The following WASHC2A variants were observed in gnomAD, a reference collection of about 807,000 sequenced individuals.
The protein encoded by WASHC2A is WASH complex subunit 2A, also known as WASH complex subunit FAM21A.
In WASHC2A, 82 loss-of-function variants were observed where a neutral mutation model predicts 140.3. The ratio of observed to expected loss-of-function variants is 0.58; its 90% CI spans 0.49 to 0.70. WASHC2A has a LOEUF of 0.70. WASHC2A is among the 30% of genes least tolerant of loss of function. The pLI is 0.00. For missense variants in WASHC2A, 985 were observed against 1,521.8 expected (o/e 0.65, Z 5.87); for synonymous variants, 340 against 560.8 (o/e 0.61, Z 5.56).
At position 50,125,215 on chromosome 10, in the gene WASHC2A, C is replaced by CT. The variant is rs1408929998; in HGVS notation, c.2586dup (p.Ala863CysfsTer20). ...AAAGGACAATGACCCAGATGTTGAC[C>CT]TTTTTGCTGGCACCAAAAAAACCAA... On this transcript the variant is annotated frameshift_variant, in exon 24 of 31. Transcript: ENST00000282633. LOFTEE classifies it high-confidence loss of function. 20 of 1,609,328 alleles carry CT rather than the reference C, an allele frequency of 1.2e-5. No individual in the cohort carries two copies. Among genetic ancestry groups the CT allele is most frequent in the Non-Finnish European group, 1.7e-5 (20 of 1,179,114 alleles).
chr10:50,127,479 C>G, intron 27 of WASHC2A, 104 bp from the exon 28 acceptor site: 2 of 1,611,352 alleles, frequency 1.2e-6, no homozygotes, highest in South Asian at 1.1e-5. Context: ...CTCTACTCCT[C>G]TCGTATTATA....
At chr10:50,130,393 T>G (rs1230714709) in intron 29 of WASHC2A, among the ~76,000 whole-genome samples, 24 of 148,142 alleles carry the variant, frequency 1.6e-4, no homozygotes, top group African/African-American at 5.9e-4. Context: ...GTTTAACCTC[T>G]GGTTCTGGGG....
In WASHC2A at chr10:50,130,590, G is replaced by A. The variant is rs879895395; in HGVS notation, c.3709-311G>A. On this transcript the variant is annotated intron_variant, in intron 29 of 30. Transcript: ENST00000282633. ...TACAAACAGGGCAATGGATAATTAA[G>A]ATGTTTTCAAATAGTACTAAGTGTC... Among the ~76,000 whole-genome samples the A allele has an allele frequency of 2.1e-3, 318 of 152,300 alleles. 2 individuals carry two copies. The highest frequency in any genetic ancestry group is 4.7e-3 in the Admixed American group (72 of 15,296).
rs755827935 is a variant in WASHC2A at position 50,132,894 on chromosome 10, C to A, written c.3975C>A (p.His1325Gln). 2 of 1,612,028 alleles carry A rather than the reference C, an allele frequency of 1.2e-6. No individual in the cohort carries two copies. Among genetic ancestry groups the A allele is most frequent in the Non-Finnish European group, 1.7e-6 (2 of 1,179,850 alleles). ...AQAAPEPRFE[H>Q]KVSNIFDDPL... Reference sequence around the variant, plus strand: ...CCGCACCTGAACCAAGATTTGAACACAAGGTGTCCAACATCTTTGATGATC... The same window carrying A: ...CCGCACCTGAACCAAGATTTGAACAAAAGGTGTCCAACATCTTTGATGATC... Residue 1325 changes from histidine (H) to glutamine (Q), a missense_variant, in exon 31 of 31, where the codon CAC (histidine) becomes CAA (glutamine). Physicochemically the swap from His to Gln is conservative, Grantham distance 24. Coordinates refer to ENST00000282633, the MANE Select transcript of WASHC2A (RefSeq NM_001005751.3).
At chr10:50,089,783 A>G (rs1326834106) in intron 8 of WASHC2A, among the ~76,000 whole-genome samples, 11 of 152,010 alleles carry the variant, frequency 7.2e-5, no homozygotes, top group Non-Finnish European at 1.3e-4. Flanking sequence ...TATGCTGATG[A>G]TGTTTATATT....
chr10:50,126,803 T>C (rs1843477568), intron 26 of WASHC2A, among the ~76,000 whole-genome samples: 1 of 151,858 alleles, frequency 6.6e-6, no homozygotes, highest in Non-Finnish European at 1.5e-5. Flanking sequence ...TGCATTAGGC[T>C]ATGGTTGAAT....
intron 17 of WASHC2A, among the ~76,000 whole-genome samples, chr10:50,103,696 G>A (rs1423737138): frequency 1.3e-5 from 2 of 152,216 alleles, no homozygotes; most frequent in Admixed American, 1.3e-4. Context: ...TCTTTAGACG[G>A]TAATGGGAAG....
At chr10:50,105,214 A>G (rs1218357517) in intron 18 of WASHC2A, among the ~76,000 whole-genome samples, 1 of 151,818 alleles carries the variant, frequency 6.6e-6, no homozygotes, top group Non-Finnish European at 1.5e-5. Flanking sequence ...TCCTGGCTGG[A>G]GAGAGCACAG....
At chr10:50,117,680 A>T (rs1589265917) in intron 21 of WASHC2A, among the ~76,000 whole-genome samples, 1 of 135,486 alleles carries the variant, frequency 7.4e-6, no homozygotes, top group Non-Finnish European at 1.7e-5. Flanking sequence ...ACACAAGTAG[A>T]CAGATACAGG....
rs879972761 is a variant in WASHC2A at position 50,093,972 on chromosome 10, T to C, written c.1180+55T>C. 8,963 of 1,586,724 alleles carry C rather than the reference T, an allele frequency of 5.6e-3. 73 individuals are homozygous for C. The African/African-American group carries it at 0.11, about 19-fold the overall frequency. ...GTGTGCAGAGTTCCAAAACTGTCTT[T>C]CTCACTAGGAGATGGAACAAGGTTG... On this transcript the variant is annotated intron_variant, in intron 13 of 30. Transcript: ENST00000282633.
Position 50,078,666 on chromosome 10 carries a change from C to T in WASHC2A, c.292-9C>T. On this transcript the variant is annotated splice_polypyrimidine_tract_variant and intron_variant, in intron 3 of 30. Transcript: ENST00000282633. Reference sequence around the variant, plus strand: ...GACCTTTTAACATTGAGTTTGCTTCCATATTTAGCGTGTATATGATGAAGA... The same window carrying T: ...GACCTTTTAACATTGAGTTTGCTTCTATATTTAGCGTGTATATGATGAAGA... 3 of 1,611,706 alleles carry T rather than the reference C, an allele frequency of 1.9e-6. No homozygotes were observed. The highest frequency in any genetic ancestry group is 4.5e-4 in the Middle Eastern group (2 of 4,430).
At chr10:50,087,223 G>C in intron 7 of WASHC2A, 52 bp from the exon 8 acceptor site, 1 of 1,612,974 alleles carries the variant, frequency 6.2e-7, no homozygotes, top group Non-Finnish European at 8.5e-7. Context: ...AATCATTTCT[G>C]TGCTTCTAAG....
rs376743212 is a variant in WASHC2A at position 50,069,708 on chromosome 10, G to C, written c.288G>C (p.Glu96Asp). The change falls in exon 3 of 31, where the codon GAG becomes GAC. Residue 96 changes from glutamate (E) to aspartate (D), a missense_variant. Transcript: ENST00000282633. Reference protein sequence around the residue: ...FLMLSNTQFIENRVYDEEVEE... With the variant: ...FLMLSNTQFIDNRVYDEEVEE... ...TGCTCTCTAATACCCAGTTCATTGA[G>C]AATGTGAGTTATTTAGTTATATTAT... The C allele has an allele frequency of 1.9e-6, 3 of 1,611,456 alleles. No homozygotes were observed. The highest frequency in any genetic ancestry group is 2.5e-6 in the Non-Finnish European group (3 of 1,179,176).
chr10:50,110,571 G>T (rs1158470552), intron 20 of WASHC2A, among the ~76,000 whole-genome samples: 1 of 151,764 alleles, frequency 6.6e-6, no homozygotes, highest in Admixed American at 6.6e-5. Context: ...CTACTCTAAA[G>T]TATGTCAGGT....
intron 20 of WASHC2A, among the ~76,000 whole-genome samples, chr10:50,113,443 A>G (rs1332085253): frequency 1.1e-4 from 17 of 151,986 alleles, no homozygotes; most frequent in Non-Finnish European, 1.5e-5. Flanking sequence ...ACTAAAAAAA[A>G]GAAATAGAAG....
In WASHC2A at chr10:50,091,578, C is replaced by A. The variant is rs1308849389; in HGVS notation, c.931+60C>A. 11 of 1,537,376 alleles carry A rather than the reference C, an allele frequency of 7.2e-6. No homozygotes were observed. The East Asian group carries it at 2.7e-4, about 38-fold the overall frequency. ...GGAGTAGTGCAGGGCCCTCTGCTGGCTTCACCAAAGGCGGATTTCTCTTTT... is the reference window on the plus strand; with the variant it reads ...GGAGTAGTGCAGGGCCCTCTGCTGGATTCACCAAAGGCGGATTTCTCTTTT... On this transcript the variant is annotated intron_variant, in intron 10 of 30. Transcript: ENST00000282633.
At chr10:50,076,715 C>CA (rs2132378426) in intron 3 of WASHC2A, among the ~76,000 whole-genome samples, 1 of 152,146 alleles carries the variant, frequency 6.6e-6, no homozygotes, top group African/African-American at 2.4e-5. Flanking sequence ...CAATGGCTCA[C>CA]ACCTGTAATC....
In WASHC2A at chr10:50,095,716, A is replaced by G. The variant is rs1840437266; in HGVS notation, c.1358A>G (p.Asp453Gly). ...YGPPPTGLFD[D>G]DDGDDDDDFF... ...CCCCCTCCCACTGGCCTCTTTGATG[A>G]TGATGATGGTGATGATGATGACGAC... is the stretch of plus-strand genomic sequence containing the variant. The change falls in exon 15 of 31, where the codon GAT (aspartate) becomes GGT (glycine). Residue 453 changes from aspartate (D) to glycine (G), a missense_variant. Coordinates refer to ENST00000282633, the MANE Select transcript of WASHC2A (RefSeq NM_001005751.3). 2 of 1,611,568 alleles carry G rather than the reference A, an allele frequency of 1.2e-6. No homozygotes were observed. The highest frequency in any genetic ancestry group is 1.7e-6 in the Non-Finnish European group (2 of 1,179,726).
chr10:50,112,732 A>G (rs1179573494), intron 20 of WASHC2A, among the ~76,000 whole-genome samples: 2 of 151,954 alleles, frequency 1.3e-5, no homozygotes, highest in Non-Finnish European at 2.9e-5. Flanking sequence ...AAAAGAATAA[A>G]GTAGCGATGC....
Sources: gnomAD v4.1 joint callset for allele counts (sites outside exome capture counted in the v4.1 genomes callset) on GRCh38, gnomAD v4.1.1 for gene constraint, MANE v1.5 for transcripts, NCBI Gene and HGNC (gene_info 2026-07-23, HGNC 2026-07-21) for gene names.